SLIT3: variants seen among roughly 807,000 people sequenced by gnomAD.
The protein encoded by SLIT3 is slit homolog 3 protein.
Under a neutral mutation model 184.0 loss-of-function variants are expected in SLIT3, and 68 were observed. The ratio of observed to expected loss-of-function variants is 0.37; its 90% CI spans 0.30 to 0.45. The LOEUF is 0.45. SLIT3 is among the 20% of genes least tolerant of loss of function. The pLI is 1.00. For synonymous variants in SLIT3, 831 were observed against 828.6 expected (o/e 1.00, Z -0.05); for missense variants, 1,707 against 2,026.0 (o/e 0.84, Z 3.02).
chr5:168,777,101 ACACACC>A (rs1206845062), intron 12 of SLIT3, among the ~76,000 whole-genome samples: 32 of 55,532 alleles, frequency 5.8e-4, no homozygotes, highest in African/African-American at 1.4e-3. Context: ...ACACACACAC[ACACACC>A]CCCCATACCA....
At chr5:168,764,180 C>CT (rs1444064337) in intron 14 of SLIT3, among the ~76,000 whole-genome samples, 3 of 152,156 alleles carry the variant, frequency 2.0e-5, no homozygotes, top group Non-Finnish European at 2.9e-5. Flanking sequence ...CTAGCAACTG[C>CT]TTTTTTTCTA....
intron 4 of SLIT3, among the ~76,000 whole-genome samples, chr5:169,032,922 ATTTTTTT>A (rs199911562): frequency 3.3e-4 from 29 of 88,130 alleles, no homozygotes; most frequent in Non-Finnish European, 4.7e-4. Flanking sequence ...TTTTTCCTTG[ATTTTTTT>A]TTTTTTTTTT....
intron 4 of SLIT3, among the ~76,000 whole-genome samples, chr5:169,170,495 G>A (rs1164173241): frequency 6.6e-6 from 1 of 152,084 alleles, no homozygotes; most frequent in Non-Finnish European, 1.5e-5. Context: ...CACTGTTGGG[G>A]AATGAAGACG....
At chr5:168,955,337 C>G (rs1455132950) in intron 4 of SLIT3, among the ~76,000 whole-genome samples, 1 of 152,188 alleles carries the variant, frequency 6.6e-6, no homozygotes, top group Non-Finnish European at 1.5e-5. Flanking sequence ...CCTAGAGGCT[C>G]TCCCAAGGGG....
At chr5:168,802,309 A>C (rs1333553145) in intron 9 of SLIT3, among the ~76,000 whole-genome samples, 1 of 152,040 alleles carries the variant, frequency 6.6e-6, no homozygotes, top group Non-Finnish European at 1.5e-5. Context: ...TTAGGCCATC[A>C]CACAGGTCCC....
chr5:168,716,218 G>T (rs1370820358), intron 23 of SLIT3, among the ~76,000 whole-genome samples: 2 of 152,024 alleles, frequency 1.3e-5, no homozygotes, highest in Non-Finnish European at 2.9e-5. Context: ...CTTGGGATCT[G>T]CCCACCTCAG....
At chr5:169,202,512 C>T (rs897748092) in intron 3 of SLIT3, among the ~76,000 whole-genome samples, 1 of 152,162 alleles carries the variant, frequency 6.6e-6, no homozygotes, top group Non-Finnish European at 1.5e-5. Flanking sequence ...CTCTTGGACA[C>T]TAAAACCTGT....
intron 5 of SLIT3, among the ~76,000 whole-genome samples, chr5:168,875,582 C>T (rs529400263): frequency 2.1e-4 from 32 of 151,364 alleles, no homozygotes; most frequent in South Asian, 2.1e-4. Context: ...TGCAGTGAGC[C>T]GAGATTGCGC....
chr5:168,989,327 G>A (rs1047709491), intron 4 of SLIT3, among the ~76,000 whole-genome samples: 5 of 152,194 alleles, frequency 3.3e-5, no homozygotes, highest in African/African-American at 9.6e-5. Flanking sequence ...GCACCTATGA[G>A]AGGAAGGAAC....
At chr5:168,740,938 G>T (rs1370010192) in intron 20 of SLIT3, among the ~76,000 whole-genome samples, 1 of 152,202 alleles carries the variant, frequency 6.6e-6, no homozygotes, top group Non-Finnish European at 1.5e-5. Context: ...GTATAACTGG[G>T]TCATTCTCTG....
chr5:168,925,456 C>T (rs756753400), intron 4 of SLIT3, among the ~76,000 whole-genome samples: 18 of 152,072 alleles, frequency 1.2e-4, no homozygotes, highest in Non-Finnish European at 2.5e-4. Context: ...AAGAGGGTTC[C>T]CTGGCAGGTC....
rs147297939 is a variant in SLIT3 at position 168,785,860 on chromosome 5, C to T, written c.1151+47G>A. The T allele has an allele frequency of 2.2e-4, 312 of 1,399,872 alleles. No individual in the cohort carries two copies. The African/African-American group carries it at 3.8e-3, about 17-fold the overall frequency. 86.7% of individuals were successfully genotyped at this position (1,399,872 alleles called of 1,614,324 possible). ...TGGCTCAACGTTTTCAGGTGGGAGC[C>T]TTCCGACAGTACCAAAGACACCAAC... is the stretch of plus-strand genomic sequence containing the variant. On this transcript the variant is annotated intron_variant, in intron 12 of 35. Coordinates refer to ENST00000519560, the MANE Select transcript of SLIT3 (RefSeq NM_003062.4).
intron 10 of SLIT3, among the ~76,000 whole-genome samples, chr5:168,794,626 C>G (rs1756502184): frequency 2.0e-5 from 3 of 152,136 alleles, no homozygotes; most frequent in African/African-American, 7.2e-5. Flanking sequence ...GTAGGGGGTG[C>G]TCACATGTTG....
chr5:169,048,286 T>C (rs1430988087), intron 4 of SLIT3, among the ~76,000 whole-genome samples: 5 of 152,222 alleles, frequency 3.3e-5, no homozygotes, highest in Admixed American at 6.5e-5. Context: ...CTCATCTACA[T>C]AGAGCTATAA....
intron 5 of SLIT3, among the ~76,000 whole-genome samples, chr5:168,848,794 C>G (rs529911619): frequency 6.6e-6 from 1 of 152,090 alleles, no homozygotes; most frequent in Non-Finnish European, 1.5e-5. Context: ...TCTCCGCAAA[C>G]GGCAGACTGG....
chr5:169,154,920 T>C (rs953284237), intron 4 of SLIT3, among the ~76,000 whole-genome samples: 3 of 152,184 alleles, frequency 2.0e-5, no homozygotes, highest in African/African-American at 7.2e-5. Context: ...TTCAAAGCAA[T>C]CTCAGACCAA....
At chr5:169,070,007 G>A (rs1459288527) in intron 4 of SLIT3, among the ~76,000 whole-genome samples, 4 of 152,192 alleles carry the variant, frequency 2.6e-5, no homozygotes, top group Non-Finnish European at 5.9e-5. Context: ...TAGGACAGCT[G>A]TAATAGCCCA....
Position 169,050,674 on chromosome 5 carries a change from C to T in SLIT3, c.413+142805G>A, listed in dbSNP as rs1410963443. On this transcript the variant is annotated intron_variant, in intron 4 of 35. Transcript: ENST00000519560. The stretch of plus-strand genomic sequence containing the variant: ...ACTGCCCCCTTTGAACTGGATACTA[C>T]GCAGCCTATAATAGCACTTTTTTTT... 5.9e-5 allele frequency among the ~76,000 whole-genome samples: 9 copies of T among 151,828 alleles called. No homozygotes were observed. In the South Asian group the frequency reaches 6.3e-4, roughly 11 times the overall value.
intron 5 of SLIT3, among the ~76,000 whole-genome samples, chr5:168,851,660 T>A (rs1372936770): frequency 6.6e-6 from 1 of 152,134 alleles, no homozygotes. Flanking sequence ...GTGGCCCAAC[T>A]CCCCAAGGTT....
Sources: gnomAD v4.1 joint callset for allele counts (sites outside exome capture counted in the v4.1 genomes callset) on GRCh38, gnomAD v4.1.1 for gene constraint, MANE v1.5 for transcripts, NCBI Gene and HGNC (gene_info 2026-07-23, HGNC 2026-07-21) for gene names.